DGKB: variants seen among roughly 807,000 people sequenced by gnomAD.
The protein encoded by DGKB is 90 kDa diacylglycerol kinase.
Under a neutral mutation model 114.3 loss-of-function variants are expected in DGKB, and 67 were observed. The observed-to-expected ratio is 0.59, with a 90% confidence interval of 0.48 to 0.72. DGKB has a LOEUF of 0.72. DGKB is among the 30% of genes least tolerant of loss of function. DGKB has a pLI of 0.00. For synonymous variants in DGKB, 398 were observed against 323.1 expected (o/e 1.23, Z -2.49); for missense variants, 907 against 975.2 (o/e 0.93, Z 0.93).
intron 20 of DGKB, among the ~76,000 whole-genome samples, chr7:14,523,621 G>C (rs78768100): frequency 0.013 from 2,018 of 152,014 alleles, 29 homozygotes; most frequent in Non-Finnish European, 0.02. Context: ...CAATAAAATA[G>C]TCATATATTA....
chr7:14,640,170 A>T (rs1346480576), intron 13 of DGKB, among the ~76,000 whole-genome samples: 1 of 152,218 alleles, frequency 6.6e-6, no homozygotes, highest in Non-Finnish European at 1.5e-5. Context: ...AAATTACATA[A>T]GTGTGCTGGA....
chr7:14,313,427 G>C (rs941014306), intron 23 of DGKB, among the ~76,000 whole-genome samples: 2 of 152,234 alleles, frequency 1.3e-5, no homozygotes, highest in Non-Finnish European at 2.9e-5. Context: ...CACAGTGCGC[G>C]AGCCGAAGCA....
At chr7:14,359,703 A>T (rs1440259609) in intron 21 of DGKB, among the ~76,000 whole-genome samples, 1 of 152,230 alleles carries the variant, frequency 6.6e-6, no homozygotes, top group Non-Finnish European at 1.5e-5. Context: ...TACAGCCAAC[A>T]GACACATGAA....
chr7:14,251,612 G>T (rs889552433), intron 23 of DGKB, among the ~76,000 whole-genome samples: 1 of 151,754 alleles, frequency 6.6e-6, no homozygotes, highest in South Asian at 2.1e-4. Flanking sequence ...TTTTACTTTC[G>T]TATGCTTTTA....
intron 1 of DGKB, among the ~76,000 whole-genome samples, chr7:14,850,625 G>C (rs1305671250): frequency 6.6e-6 from 1 of 152,134 alleles, no homozygotes; most frequent in Non-Finnish European, 1.5e-5. Flanking sequence ...TGAACTGAGA[G>C]TTGAGTTAGG....
At chr7:14,817,075 C>T (rs10260512) in intron 2 of DGKB, among the ~76,000 whole-genome samples, 72,720 of 152,026 alleles carry the variant, frequency 0.48, 17,792 homozygotes, top group Non-Finnish European at 0.53. Context: ...AGGAAATAGT[C>T]TACACTATAT....
At position 14,146,959 on chromosome 7, in the gene DGKB, A is replaced by G. The variant is rs936260722; in HGVS notation, c.*2172T>C. On this transcript the variant is annotated 3_prime_UTR_variant, in exon 26 of 26. Coordinates refer to ENST00000402815, the MANE Select transcript of DGKB (RefSeq NM_001350709.2). ...TGATTCACAAACTGTTGCTGCCTTCAAACTATATACTATAAAAGGTAGCCA... is the reference window on the plus strand; with the variant it reads ...TGATTCACAAACTGTTGCTGCCTTCGAACTATATACTATAAAAGGTAGCCA... 1.3e-5 allele frequency: 2 copies of G among 152,210 alleles called. No homozygotes were observed. Among genetic ancestry groups the G allele is most frequent in the African/African-American group, 4.8e-5 (2 of 41,466 alleles). 9.4% of individuals were successfully genotyped at this position (152,210 alleles called of 1,614,324 possible).
intron 23 of DGKB, among the ~76,000 whole-genome samples, chr7:14,335,230 C>T (rs1001917812): frequency 6.6e-6 from 1 of 152,056 alleles, no homozygotes; most frequent in Non-Finnish European, 1.5e-5. Flanking sequence ...ATGCTCCAAA[C>T]CTGATCTCAT....
At chr7:14,478,014 A>T (rs1429375174) in intron 21 of DGKB, 147 bp downstream of exon 21, 2 of 431,132 alleles carry the variant, frequency 4.6e-6, no homozygotes, top group East Asian at 3.5e-5. Context: ...TTATCCTACC[A>T]TCTTAATATT....
chr7:14,170,144 AAAAAGAAAGAAAGAAAGAAAGAAAG>A (rs1461165751), intron 25 of DGKB, among the ~76,000 whole-genome samples: 4 of 122,774 alleles, frequency 3.3e-5, no homozygotes, highest in African/African-American at 1.3e-4. Context: ...CAAAAAAAAA[AAAAAGAAAGAAAGAAAGAAAGAAAG>A]AAAGAAAGAA....
intron 22 of DGKB, among the ~76,000 whole-genome samples, chr7:14,344,868 G>A (rs898763513): frequency 1.3e-5 from 2 of 151,498 alleles, no homozygotes; most frequent in Non-Finnish European, 3.0e-5. Context: ...GGAATGGAAT[G>A]GAAAAGTATA....
chr7:14,731,231 T>C (rs974399549), intron 5 of DGKB, among the ~76,000 whole-genome samples: 1 of 152,160 alleles, frequency 6.6e-6, no homozygotes, highest in African/African-American at 2.4e-5. Flanking sequence ...TAATGAACTT[T>C]CAAACACAGT....
chr7:14,464,891 T>C (rs918529892), intron 21 of DGKB, among the ~76,000 whole-genome samples: 9 of 152,178 alleles, frequency 5.9e-5, no homozygotes, highest in African/African-American at 2.2e-4. Flanking sequence ...TCAGACTTTA[T>C]GTGAGCACAT....
intron 20 of DGKB, among the ~76,000 whole-genome samples, chr7:14,480,535 T>C (rs1399182149): frequency 6.6e-6 from 1 of 152,058 alleles, no homozygotes; most frequent in Non-Finnish European, 1.5e-5. Context: ...CCAGCAGCCA[T>C]TTTTCAAGAG....
At chr7:14,538,490 G>A (rs2128612594) in intron 20 of DGKB, among the ~76,000 whole-genome samples, 1 of 152,170 alleles carries the variant, frequency 6.6e-6, no homozygotes, top group East Asian at 1.9e-4. Flanking sequence ...GATAATAACT[G>A]TTGGTAAAGT....
chr7:14,641,822 G>T (rs189828171), intron 13 of DGKB, among the ~76,000 whole-genome samples: 157 of 152,062 alleles, frequency 1.0e-3, no homozygotes, highest in Non-Finnish European at 1.9e-3. Context: ...TCGTTTTTAA[G>T]ATTTTATAAT....
At chr7:14,700,212 A>T (rs1036480811) in intron 7 of DGKB, among the ~76,000 whole-genome samples, 116 of 131,210 alleles carry the variant, frequency 8.8e-4, no homozygotes, top group Admixed American at 1.6e-3. Context: ...TTGAAAAAAA[A>T]TTTTTTTTTT....
At chr7:14,498,985 G>C (rs972381861) in intron 20 of DGKB, among the ~76,000 whole-genome samples, 2 of 151,604 alleles carry the variant, frequency 1.3e-5, no homozygotes, top group African/African-American at 4.8e-5. Context: ...AAGGTAAAGA[G>C]TTTTAATTTC....
chr7:14,583,019 T>G (rs755763327), intron 18 of DGKB, 33 bp downstream of exon 18: 1 of 1,374,994 alleles, frequency 7.3e-7, no homozygotes, highest in Admixed American at 1.7e-5. Context: ...TATTGCTCTC[T>G]CCCCAGCCAT....
Sources: gnomAD v4.1 joint callset for allele counts (sites outside exome capture counted in the v4.1 genomes callset) on GRCh38, gnomAD v4.1.1 for gene constraint, MANE v1.5 for transcripts, NCBI Gene and HGNC (gene_info 2026-07-23, HGNC 2026-07-21) for gene names.